Variants in PAN3 observed in about 807,000 individuals in gnomAD.
PAN3 encodes the protein poly(A) specific ribonuclease subunit PAN3, also known as PAN2-PAN3 deadenylation complex subunit PAN3.
In PAN3, 19 loss-of-function variants were observed where a neutral mutation model predicts 96.2. The ratio of observed to expected loss-of-function variants is 0.20; its 90% confidence interval spans 0.14 to 0.29. The LOEUF (loss-of-function observed/expected upper bound fraction) is 0.29. Among genes scored for constraint, PAN3 ranks in the 10% least tolerant of loss-of-function variants. The pLI is 1.00. For synonymous variants in PAN3, 433 were observed against 406.6 expected, an observed-to-expected ratio of 1.06 and a Z score of -0.78; for missense variants, 882 against 1,108.1, an observed-to-expected ratio of 0.80 and a Z score of 2.90.
chr13:28,157,246 T>A (rs577368332), intron 1 of PAN3, among the ~76,000 whole-genome samples: 1 of 152,234 alleles, frequency 6.6e-6, no homozygotes, highest in Non-Finnish European at 1.5e-5. Context: ...GAGAGCCATG[T>A]ATGACAAACC....
intron 6 of PAN3, among the ~76,000 whole-genome samples, chr13:28,243,347 T>TA (rs1251718159): frequency 3.9e-5 from 6 of 152,240 alleles, no homozygotes; most frequent in Admixed American, 1.3e-4. Flanking sequence ...ACCTTGACAC[T>TA]AATTCATGAG....
In PAN3 at chr13:28,203,469, AG is replaced by A. The variant is rs1317266821; in HGVS notation, c.852+6125del. 4.6e-5 allele frequency among the ~76,000 whole-genome samples: 7 copies of A among 151,832 alleles called. No individual in the cohort carries two copies. The South Asian group carries it at 6.2e-4, about 14-fold the overall frequency. On this transcript the variant is annotated intron_variant, in intron 5 of 18. Coordinates refer to ENST00000380958, the MANE Select transcript of PAN3 (RefSeq NM_175854.8). ...CAGGTATGTGCAACTGTGCCCAGCT[AG>A]GTTTTCTTTGTATTTTTTTGTAGAG...
chr13:28,231,600 A>G (rs953701008), intron 6 of PAN3, among the ~76,000 whole-genome samples: 1 of 152,196 alleles, frequency 6.6e-6, no homozygotes, highest in Admixed American at 6.5e-5. Flanking sequence ...AGTTGATGAA[A>G]TTCTGTAGTT....
intron 15 of PAN3, 39 bp from the exon 16 acceptor site, chr13:28,280,373 T>C (rs1356139876): frequency 7.0e-6 from 11 of 1,573,722 alleles, no homozygotes; most frequent in Admixed American, 1.9e-5. Context: ...TTAAATTGCA[T>C]GTTGGACATC....
chr13:28,257,460 C>T lies in PAN3; in HGVS notation c.1248+921C>T, dbSNP rs1244932456. ...GGGTCCTCAATCCTTGGACCAGAGA[C>T]CAGTGTTAGGAACCAGGCCGCACAG... On this transcript the variant is annotated intron_variant, in intron 7 of 18. Coordinates refer to ENST00000380958, the MANE Select transcript of PAN3 (RefSeq NM_175854.8). Among the ~76,000 whole-genome samples, 6 of 151,316 alleles carry T rather than the reference C, an allele frequency of 4.0e-5. No individual in the cohort carries two copies. The East Asian group carries it at 9.7e-4, about 25-fold the overall frequency.
At chr13:28,211,670 A>G (rs1334593751) in intron 5 of PAN3, among the ~76,000 whole-genome samples, 1 of 152,236 alleles carries the variant, frequency 6.6e-6, no homozygotes, top group African/African-American at 2.4e-5. Flanking sequence ...TAATATTTTC[A>G]AAACATTACC....
chr13:28,251,623 A>G (rs907847981), intron 6 of PAN3, among the ~76,000 whole-genome samples: 2 of 152,188 alleles, frequency 1.3e-5, no homozygotes, highest in African/African-American at 2.4e-5. Flanking sequence ...TTCGACAGAC[A>G]GGCTTCCCTT....
chr13:28,208,579 A>C (rs1463438406), intron 5 of PAN3, among the ~76,000 whole-genome samples: 1 of 152,034 alleles, frequency 6.6e-6, no homozygotes, highest in Non-Finnish European at 1.5e-5. Flanking sequence ...GAGCATCTTA[A>C]ACCTGAGAAG....
chr13:28,168,962 G>T (rs1260673766), intron 1 of PAN3, among the ~76,000 whole-genome samples: 1 of 151,452 alleles, frequency 6.6e-6, no homozygotes, highest in African/African-American at 2.4e-5. Flanking sequence ...AACTTGCAGT[G>T]AGCCGAGATC....
At chr13:28,221,419 G>A (rs1328896778) in intron 6 of PAN3, among the ~76,000 whole-genome samples, 1 of 151,756 alleles carries the variant, frequency 6.6e-6, no homozygotes, top group Non-Finnish European at 1.5e-5. Context: ...ATCTAGATCA[G>A]CCAGGAACTG....
chr13:28,235,680 T>TAC (rs1555285712), intron 6 of PAN3, among the ~76,000 whole-genome samples: 1 of 109,536 alleles, frequency 9.1e-6, no homozygotes, highest in Non-Finnish European at 1.7e-5. Flanking sequence ...CTTTCTCTAA[T>TAC]ATACACACAC....
At position 28,280,558 on chromosome 13, in the gene PAN3, T is replaced by C. The variant is rs769158667; in HGVS notation, c.2319+17T>C. 1 of 1,232,204 alleles carries C rather than the reference T, an allele frequency of 8.1e-7. No individual in the cohort carries two copies. The highest frequency in any genetic ancestry group is 1.6e-5 in the South Asian group (1 of 64,178). The allele number at this position is 1,232,204 out of a possible 1,614,324, so 76.3% of individuals were successfully genotyped here. A position where few individuals can be genotyped will look rare whatever the true frequency, so the allele number is the denominator to read the frequency against. ...CTTGCAAAGGTAAAGAGTGTAAATT[T>C]TTTTTTTTTTTTTTTTTTTTTGAGA... On this transcript the variant is annotated intron_variant, in intron 16 of 18. Coordinates refer to ENST00000380958, the MANE Select transcript of PAN3 (RefSeq NM_175854.8).
rs545680102 is a variant in PAN3, at chr13:28,224,312, T to C, written c.1000+3934T>C. ...TACCTCAGTGTTAACAAATTTACAGTGTCACAGTGTGTTTGAAAGTGACTG... is the reference window on the plus strand; with the variant it reads ...TACCTCAGTGTTAACAAATTTACAGCGTCACAGTGTGTTTGAAAGTGACTG... On this transcript the variant is annotated intron_variant, in intron 6 of 18. Transcript: ENST00000380958. 3.9e-5 allele frequency among the ~76,000 whole-genome samples: 6 copies of C among 152,344 alleles called. No individual in the cohort carries two copies. In the East Asian group the frequency reaches 1.2e-3, roughly 29 times the overall value.
At chr13:28,266,125 A>G (rs527717135) in intron 9 of PAN3, among the ~76,000 whole-genome samples, 1 of 152,264 alleles carries the variant, frequency 6.6e-6, no homozygotes, top group Non-Finnish European at 1.5e-5. Context: ...CAAATACAAA[A>G]TAGTGTATAG....
intron 13 of PAN3, 62 bp from the exon 14 acceptor site, chr13:28,271,919 G>A: frequency 8.6e-7 from 1 of 1,168,426 alleles, no homozygotes; most frequent in Non-Finnish European, 1.2e-6. Flanking sequence ...ACTTTTCCAT[G>A]AGTATGCAAT....
chr13:28,160,167 C>T (rs1469481371), intron 1 of PAN3, among the ~76,000 whole-genome samples: 2 of 152,142 alleles, frequency 1.3e-5, no homozygotes, highest in African/African-American at 2.4e-5. Flanking sequence ...GTCTCAAACT[C>T]CTGACCTTGG....
At chr13:28,198,480 A>G (rs1170853160) in intron 5 of PAN3, among the ~76,000 whole-genome samples, 1 of 152,208 alleles carries the variant, frequency 6.6e-6, no homozygotes. Flanking sequence ...GTCATTACAA[A>G]TACATTCCAT....
intron 6 of PAN3, among the ~76,000 whole-genome samples, chr13:28,237,994 C>T (rs1883261466): frequency 1.3e-5 from 2 of 152,104 alleles, no homozygotes; most frequent in Admixed American, 1.3e-4. Flanking sequence ...TTAATTTGAC[C>T]TGCATTTGTG....
chr13:28,282,778 G>A (rs897999361), intron 17 of PAN3, among the ~76,000 whole-genome samples: 2 of 151,952 alleles, frequency 1.3e-5, no homozygotes, highest in Non-Finnish European at 2.9e-5. Context: ...AAGCCTGCAC[G>A]TGCTTACACT....
Sources: allele counts gnomAD v4.1 joint callset (sites outside exome capture counted in the v4.1 genomes callset), GRCh38; gene constraint gnomAD v4.1.1; transcripts MANE v1.5; gene names NCBI Gene and HGNC (gene_info 2026-07-23, HGNC 2026-07-21).